SPDYE3: variants seen among roughly 807,000 people sequenced by gnomAD.
SPDYE3 encodes the protein speedy protein E3.
A neutral mutation model predicts 55.0 loss-of-function variants in SPDYE3; 15 were observed. That is an observed-to-expected ratio of 0.27 (90% CI 0.18 to 0.42). SPDYE3 has a LOEUF of 0.42. Ranked by LOEUF, SPDYE3 falls within the 10% of genes least tolerant of loss-of-function variation. SPDYE3 has a pLI of 1.00. For missense variants in SPDYE3, 236 were observed against 576.7 expected, an observed-to-expected ratio of 0.41 and a Z score of 6.05; for synonymous variants, 89 against 229.9, an observed-to-expected ratio of 0.39 and a Z score of 5.55.
chr7:100,316,349 T>G (rs1052788868), intron 7 of SPDYE3, among the ~76,000 whole-genome samples: 1 of 152,020 alleles, frequency 6.6e-6, no homozygotes, highest in African/African-American at 2.4e-5. Context: ...CAGGATGGAG[T>G]ACAGTGGCAT....
At position 100,319,622 on chromosome 7, in the gene SPDYE3, C is replaced by T. The variant is rs1789524862; in HGVS notation, c.1404C>T (p.Tyr468=). 1.9e-6 allele frequency: 3 copies of T among 1,614,264 alleles called. No homozygotes were observed. The highest frequency in any genetic ancestry group is 2.5e-6 in the Non-Finnish European group (3 of 1,180,054). Residue 468 remains tyrosine, a synonymous_variant, in exon 9 of 11, where the codon TAC becomes TAT. Transcript: ENST00000332397. ...AGGCCCCCAAACAAAAGATCTTCTA[C>T]TTCCTGTACGGGAAGACCCACTCTC... ...DDEAPKQKIF[Y]FLYGKTHSHI...
At chr7:100,316,897 C>T (rs1465598512) in intron 7 of SPDYE3, among the ~76,000 whole-genome samples, 173 bp from the exon 8 acceptor site, 1 of 152,194 alleles carries the variant, frequency 6.6e-6, no homozygotes, top group African/African-American at 2.4e-5. Flanking sequence ...GGATTTGCAT[C>T]CGACCTTCGA....
chr7:100,308,513 A>C (rs1805882241), intron 1 of SPDYE3, among the ~76,000 whole-genome samples: 1 of 152,006 alleles, frequency 6.6e-6, no homozygotes, highest in East Asian at 1.9e-4. Context: ...GTTTGAGACC[A>C]GCCTGGCCAA....
chr7:100,312,947 CAG>C (rs1805998814), intron 4 of SPDYE3, among the ~76,000 whole-genome samples, 191 bp from the exon 5 acceptor site: 1 of 148,656 alleles, frequency 6.7e-6, no homozygotes, highest in Admixed American at 6.7e-5. Flanking sequence ...GTTCTGAGGA[CAG>C]AGAGAGGGAA....
rs769055476 is a variant in SPDYE3 at position 100,319,792 on chromosome 7, C to T, written c.1574C>T (p.Pro525Leu). 227 of 1,583,042 alleles carry T rather than the reference C, an allele frequency of 1.4e-4. 1 individual carries two copies. The highest frequency in any genetic ancestry group is 9.9e-5 in the South Asian group (9 of 90,622). Reference sequence around the variant, plus strand: ...ATGCGCTGCAGGGCTTGGGTTTCCCCGGAGGAGTTGGAGGAGGTGGGTGGG... The same window carrying T: ...ATGCGCTGCAGGGCTTGGGTTTCCCTGGAGGAGTTGGAGGAGGTGGGTGGG... ...CSMRCRAWVS[P>L]EELEEIQAYD... The change falls in exon 9 of 11, where the codon CCG becomes CTG. Residue 525 changes from proline (P) to leucine (L), a missense_variant. Physicochemically the swap from Pro to Leu is moderately conservative, Grantham distance 98. Coordinates refer to ENST00000332397, the MANE Select transcript of SPDYE3 (RefSeq NM_001004351.5).
rs1789576778 is a variant in SPDYE3 at position 100,321,248 on chromosome 7, T to G, written c.*403T>G. The stretch of plus-strand genomic sequence containing the variant: ...AGTCCAGGAGCATTTGAAGGCACAG[T>G]GCAGGGGCTCAGATTGGCACAGAAT... On this transcript the variant is annotated 3_prime_UTR_variant, in exon 11 of 11. Coordinates refer to ENST00000332397, the MANE Select transcript of SPDYE3 (RefSeq NM_001004351.5). 19 of 373,798 alleles carry G rather than the reference T, an allele frequency of 5.1e-5. No homozygotes were observed. Among genetic ancestry groups the G allele is most frequent in the South Asian group, 3.8e-4 (19 of 50,298 alleles). 23.2% of individuals were successfully genotyped at this position (373,798 alleles called of 1,614,324 possible). A position where few individuals can be genotyped will look rare whatever the true frequency, so the allele number is the denominator to read the frequency against.
intron 8 of SPDYE3, among the ~76,000 whole-genome samples, chr7:100,319,102 G>T (rs1007271825): frequency 3.9e-5 from 6 of 151,976 alleles, no homozygotes; most frequent in Non-Finnish European, 8.8e-5. Context: ...GCATAAATGG[G>T]GTTTCTCTGT....
chr7:100,320,522 G>C (rs1789558888), intron 10 of SPDYE3: 1 of 961,074 alleles, frequency 1.0e-6, no homozygotes. Context: ...TGTCACATTA[G>C]AAACAGATCT....
chr7:100,318,133 G>A (rs1013976415), intron 8 of SPDYE3, among the ~76,000 whole-genome samples: 4 of 152,028 alleles, frequency 2.6e-5, no homozygotes, highest in African/African-American at 9.7e-5. Flanking sequence ...AACCGCAAAA[G>A]CCACCAACCT....
At chr7:100,316,127 C>A (rs748043178) in intron 7 of SPDYE3, among the ~76,000 whole-genome samples, 2 of 152,114 alleles carry the variant, frequency 1.3e-5, no homozygotes, top group African/African-American at 4.8e-5. Flanking sequence ...TGAACCACCA[C>A]GCCTGGCTAA....
chr7:100,316,074 C>T lies in SPDYE3; in HGVS notation c.1260+231C>T, dbSNP rs529222965. Among the ~76,000 whole-genome samples, 11 of 152,230 alleles carry T rather than the reference C, an allele frequency of 7.2e-5. No individual in the cohort carries two copies. The East Asian group carries it at 1.3e-3, about 19-fold the overall frequency. Reference sequence around the variant, plus strand: ...GCAGCTGATGCCTCCTGGGTTCAAGCGATTCTCCTGCCTCAGCCTCCAAGC... The same window carrying T: ...GCAGCTGATGCCTCCTGGGTTCAAGTGATTCTCCTGCCTCAGCCTCCAAGC... On this transcript the variant is annotated intron_variant, in intron 7 of 10. Coordinates refer to ENST00000332397, the MANE Select transcript of SPDYE3 (RefSeq NM_001004351.5).
chr7:100,318,887 GTTATTTATTTA>G (rs1278959706), intron 8 of SPDYE3, among the ~76,000 whole-genome samples: 2 of 140,594 alleles, frequency 1.4e-5, no homozygotes, highest in Non-Finnish European at 1.5e-5. Flanking sequence ...CACCTGGACA[GTTATTTATTTA>G]TTTATTTATT....
At chr7:100,309,613 C>T (rs1199969031) in intron 2 of SPDYE3, among the ~76,000 whole-genome samples, 18 of 131,876 alleles carry the variant, frequency 1.4e-4, no homozygotes, top group African/African-American at 4.4e-4. Flanking sequence ...TCCAGCTACT[C>T]GGGAGGCTGA....
chr7:100,307,921 G>A lies in SPDYE3; in HGVS notation c.36G>A (p.Gln12=). 6.3e-7 allele frequency: 1 copy of A among 1,586,352 alleles called. No individual in the cohort carries two copies. The highest frequency in any genetic ancestry group is 1.1e-5 in the South Asian group (1 of 89,136). The change falls in exon 1 of 11, where the codon CAG becomes CAA. Residue 12 remains glutamine (Q), a synonymous_variant. Coordinates refer to ENST00000332397, the MANE Select transcript of SPDYE3 (RefSeq NM_001004351.5). ...ATCAACCGCAGCCCCAGGAAGAGCAGAGCCCCCAGCGGAGCACCTCAGGGT... is the reference window on the plus strand; with the variant it reads ...ATCAACCGCAGCCCCAGGAAGAGCAAAGCCCCCAGCGGAGCACCTCAGGGT... ...TSHQPQPQEE[Q]SPQRSTSGYP...
chr7:100,307,925 C>A lies in SPDYE3; in HGVS notation c.40C>A (p.Pro14Thr). 6.3e-7 allele frequency: 1 copy of A among 1,585,352 alleles called. No homozygotes were observed. The highest frequency in any genetic ancestry group is 8.5e-7 in the Non-Finnish European group (1 of 1,174,082). ...ACCGCAGCCCCAGGAAGAGCAGAGCCCCCAGCGGAGCACCTCAGGGTACCC... is the reference window on the plus strand; with the variant it reads ...ACCGCAGCCCCAGGAAGAGCAGAGCACCCAGCGGAGCACCTCAGGGTACCC... ...HQPQPQEEQS[P>T]QRSTSGYPLQ... Residue 14 changes from proline (P) to threonine (T), a missense_variant, in exon 1 of 11, where the codon CCC becomes ACC. Coordinates refer to ENST00000332397, the MANE Select transcript of SPDYE3 (RefSeq NM_001004351.5).
At chr7:100,308,108 T>TC in intron 1 of SPDYE3, 117 bp downstream of exon 1, 2 of 1,309,806 alleles carry the variant, frequency 1.5e-6, no homozygotes, top group Non-Finnish European at 2.0e-6. Flanking sequence ...GGCGGGCAGA[T>TC]CACCTGAGGT....
chr7:100,318,972 C>A (rs992115149), intron 8 of SPDYE3, among the ~76,000 whole-genome samples: 1 of 150,944 alleles, frequency 6.6e-6, no homozygotes, highest in African/African-American at 2.4e-5. Context: ...AATGGAGGGG[C>A]CCAATCTTGG....
Position 100,319,691 on chromosome 7 carries a change from C to T in SPDYE3, c.1473C>T (p.Pro491=). The T allele has an allele frequency of 6.2e-7, 1 of 1,614,240 alleles. No individual in the cohort carries two copies. The highest frequency in any genetic ancestry group is 8.5e-7 in the Non-Finnish European group (1 of 1,180,046). Residue 491 remains proline (P), a synonymous_variant, in exon 9 of 11, where the codon CCC becomes CCT. Transcript: ENST00000332397. ...AGCATTGGTTCCAGTTATGCCGTCCCATGAACCCGAGGGCCAGGAAGAACT... is the reference window on the plus strand; with the variant it reads ...AGCATTGGTTCCAGTTATGCCGTCCTATGAACCCGAGGGCCAGGAAGAACT... ...RPKHWFQLCR[P]MNPRARKNCS... is the part of the protein sequence containing the mutation.
In SPDYE3 at chr7:100,319,971, A is replaced by C; in HGVS notation, c.1631A>C (p.Asp544Ala). ...YDPEHWVWAR[D>A]RAHLS The stretch of plus-strand genomic sequence containing the variant: ...CCAGAGCACTGGGTGTGGGCGCGAG[A>C]TCGCGCCCACCTTTCCTAGAGCTCC... Residue 544 changes from aspartate to alanine, a missense_variant, in exon 10 of 11, where the codon GAT becomes GCT. Coordinates refer to ENST00000332397, the MANE Select transcript of SPDYE3 (RefSeq NM_001004351.5). 1.2e-6 allele frequency: 2 copies of C among 1,607,524 alleles called. No homozygotes were observed. Among genetic ancestry groups the C allele is most frequent in the Non-Finnish European group, 1.7e-6 (2 of 1,178,728 alleles).
Sources: gnomAD v4.1 joint callset for allele counts (sites outside exome capture counted in the v4.1 genomes callset) on GRCh38, gnomAD v4.1.1 for gene constraint, MANE v1.5 for transcripts, NCBI Gene and HGNC (gene_info 2026-07-23, HGNC 2026-07-21) for gene names.